The following MCC variants were observed in gnomAD, a reference collection of about 807,000 sequenced individuals.
The protein encoded by MCC is colorectal mutant cancer protein.
A neutral mutation model predicts 116.2 loss-of-function variants in MCC; 90 were observed. The ratio of observed to expected loss-of-function variants is 0.77; its 90% CI spans 0.65 to 0.92. The LOEUF (loss-of-function observed/expected upper bound fraction) is 0.92, where lower values mean the gene tolerates loss of function less well. MCC is among the 40% of genes least tolerant of loss of function. MCC has a pLI of 0.00. For missense variants in MCC, 1,516 were observed against 1,312.2 expected, an observed-to-expected ratio of 1.16 and a Z score of -2.40; for synonymous variants, 578 against 510.5, an observed-to-expected ratio of 1.13 and a Z score of -1.78.
At chr5:113,206,815 C>T (rs1399340613) in intron 3 of MCC, among the ~76,000 whole-genome samples, 1 of 152,224 alleles carries the variant, frequency 6.6e-6, no homozygotes, top group African/African-American at 2.4e-5. Flanking sequence ...GTGAATCCTT[C>T]GTAATATTTG....
chr5:113,284,561 A>C (rs1766173324), intron 3 of MCC, among the ~76,000 whole-genome samples: 1 of 152,236 alleles, frequency 6.6e-6, no homozygotes, highest in South Asian at 2.1e-4. Context: ...ATCCCTGGGA[A>C]TTAGAAAAAT....
chr5:113,433,472 T>C, intron 1 of MCC: 1 of 614,732 alleles, frequency 1.6e-6, no homozygotes, highest in Non-Finnish European at 2.9e-6. Context: ...TGAGACAGGC[T>C]CTGTGTCCAG....
At chr5:113,305,051 TAATAAAGGAGTC>T (rs1766953692) in intron 3 of MCC, among the ~76,000 whole-genome samples, 1 of 151,286 alleles carries the variant, frequency 6.6e-6, no homozygotes, top group African/African-American at 2.5e-5. Flanking sequence ...ATATACTTAA[TAATAAAGGAGTC>T]AGTTAACCTG....
chr5:113,465,580 A>G (rs2150427758), intron 1 of MCC, among the ~76,000 whole-genome samples: 2 of 152,318 alleles, frequency 1.3e-5, no homozygotes, highest in South Asian at 4.1e-4. Context: ...TACAAAATTT[A>G]AAACAAGACG....
At chr5:113,046,938 C>T (rs747979550) in intron 16 of MCC, among the ~76,000 whole-genome samples, 5 of 152,072 alleles carry the variant, frequency 3.3e-5, no homozygotes, top group Non-Finnish European at 4.4e-5. Flanking sequence ...TGATTCCGCA[C>T]GGCCCTCAAG....
chr5:113,244,344 A>G (rs532819557), intron 3 of MCC, among the ~76,000 whole-genome samples: 1 of 152,370 alleles, frequency 6.6e-6, no homozygotes, highest in African/African-American at 2.4e-5. Flanking sequence ...CTTAAAGCCT[A>G]CAGGGACAAA....
intron 3 of MCC, among the ~76,000 whole-genome samples, chr5:113,237,608 C>G (rs182044053): frequency 2.0e-5 from 3 of 152,168 alleles, no homozygotes; most frequent in Non-Finnish European, 4.4e-5. Context: ...GGAGGAAACA[C>G]GGGCCAGGGG....
intron 6 of MCC, among the ~76,000 whole-genome samples, chr5:113,118,871 CTCCTGGGGG>C (rs1757554226): frequency 6.6e-6 from 1 of 152,218 alleles, no homozygotes; most frequent in African/African-American, 2.4e-5. Flanking sequence ...AGTGTTTGTC[CTCCTGGGGG>C]ATCTGGCAGA....
intron 1 of MCC, among the ~76,000 whole-genome samples, chr5:113,416,250 G>T (rs1770143971): frequency 1.3e-5 from 2 of 152,178 alleles, no homozygotes; most frequent in Non-Finnish European, 2.9e-5. Flanking sequence ...GCTTAAAAAT[G>T]TTCATTTAAA....
chr5:113,413,130 C>G (rs1770040701), intron 1 of MCC, among the ~76,000 whole-genome samples: 1 of 152,116 alleles, frequency 6.6e-6, no homozygotes, highest in South Asian at 2.1e-4. Flanking sequence ...CCCACTTGAT[C>G]ATGGTGGATA....
chr5:113,225,639 C>T (rs927840371), intron 3 of MCC, among the ~76,000 whole-genome samples: 1 of 152,180 alleles, frequency 6.6e-6, no homozygotes, highest in Non-Finnish European at 1.5e-5. Context: ...AACACAATTA[C>T]AGTAAGAGGA....
chr5:113,269,684 A>G (rs1415266347), intron 3 of MCC, among the ~76,000 whole-genome samples: 1 of 152,168 alleles, frequency 6.6e-6, no homozygotes, highest in Non-Finnish European at 1.5e-5. Flanking sequence ...ATAGTTTTTT[A>G]TTTGGTCAGA....
At chr5:113,361,613 A>G (rs1768550018) in intron 2 of MCC, among the ~76,000 whole-genome samples, 1 of 152,206 alleles carries the variant, frequency 6.6e-6, no homozygotes, top group African/African-American at 2.4e-5. Flanking sequence ...GGATACCCAG[A>G]TAGCTGGTAA....
Position 113,104,372 on chromosome 5 carries a change from A to C in MCC, c.1028-17T>G. On this transcript the variant is annotated splice_polypyrimidine_tract_variant and intron_variant, in intron 6 of 18. Coordinates refer to ENST00000408903, the MANE Select transcript of MCC (RefSeq NM_001085377.2). ...TGCAGTTGTCTGTGAGTGAATGAAG[A>C]CAAAATGCGTTACACAGGGCAACAA... is the stretch of plus-strand genomic sequence containing the variant. 6.3e-7 allele frequency: 1 copy of C among 1,594,164 alleles called. No homozygotes were observed. The highest frequency in any genetic ancestry group is 8.6e-7 in the Non-Finnish European group (1 of 1,167,960).
intron 8 of MCC, among the ~76,000 whole-genome samples, chr5:113,086,784 T>C (rs1755226765): frequency 6.7e-6 from 1 of 149,676 alleles, no homozygotes; most frequent in South Asian, 2.1e-4. Context: ...TTTGTCGGGC[T>C]GGGAAGAGTT....
intron 3 of MCC, among the ~76,000 whole-genome samples, chr5:113,313,880 G>C (rs1409452164): frequency 2.0e-5 from 3 of 151,788 alleles, no homozygotes; most frequent in Non-Finnish European, 4.4e-5. Context: ...GAGTGCAGTG[G>C]TGTGATCACA....
chr5:113,126,414 C>T (rs977295604), intron 5 of MCC, among the ~76,000 whole-genome samples: 6 of 152,148 alleles, frequency 3.9e-5, no homozygotes, highest in Admixed American at 3.9e-4. Flanking sequence ...AGCCTAATTC[C>T]TAAATTTCAT....
At chr5:113,080,827 AG>A (rs201250639) in intron 11 of MCC, among the ~76,000 whole-genome samples, 15,592 of 139,778 alleles carry the variant, frequency 0.11, 2,076 homozygotes, top group African/African-American at 0.33. Context: ...AAAAAAAAAA[AG>A]AAAAGAAAAA....
rs532790104 is a variant in MCC, at chr5:113,335,115, A to G, written c.627+5404T>C. Reference sequence around the variant, plus strand: ...TGCTTTAACCGCAAAGCTAGCACACATCCTCTAGATCAAAGTTTGGTAACC... The same window carrying G: ...TGCTTTAACCGCAAAGCTAGCACACGTCCTCTAGATCAAAGTTTGGTAACC... On this transcript the variant is annotated intron_variant, in intron 3 of 18. Coordinates refer to ENST00000408903, the MANE Select transcript of MCC (RefSeq NM_001085377.2). 2.6e-5 allele frequency among the ~76,000 whole-genome samples: 4 copies of G among 151,834 alleles called. No homozygotes were observed. In the South Asian group the frequency reaches 8.3e-4, roughly 31 times the overall value.
Sources: gnomAD v4.1 joint callset for allele counts (sites outside exome capture counted in the v4.1 genomes callset) on GRCh38, gnomAD v4.1.1 for gene constraint, MANE v1.5 for transcripts, NCBI Gene and HGNC (gene_info 2026-07-23, HGNC 2026-07-21) for gene names.